PDCD1LG2: variants seen among roughly 807,000 people sequenced by gnomAD.
The protein encoded by PDCD1LG2 is B7 dendritic cell molecule.
A neutral mutation model predicts 28.2 loss-of-function variants in PDCD1LG2; 32 were observed. The observed-to-expected ratio is 1.13, with a 90% CI of 0.86 to 1.52. The LOEUF is 1.52. PDCD1LG2 is among the 40% of genes most tolerant of loss of function. The probability of loss-of-function intolerance (pLI) is 0.00; values close to 1 mark genes in which losing one functional copy is unlikely to be tolerated. For synonymous variants in PDCD1LG2, 116 were observed against 120.2 expected (o/e 0.97, Z 0.23); for missense variants, 385 against 323.8 (o/e 1.19, Z -1.45).
intron 1 of PDCD1LG2, among the ~76,000 whole-genome samples, chr9:5,517,582 A>C (rs6476986): frequency 1 from 152,274 of 152,322 alleles, 76,113 homozygotes; most frequent in Non-Finnish European, 1. Context: ...AGGTTTTAAG[A>C]AAATATGGTT....
In PDCD1LG2 at chr9:5,563,448, G is replaced by C. The variant is rs148548632; in HGVS notation, c.816+237G>C. 2.1e-3 allele frequency among the ~76,000 whole-genome samples: 317 copies of C among 152,226 alleles called. 2 individuals are homozygous for C. Among genetic ancestry groups the C allele is most frequent in the African/African-American group, 7.3e-3 (304 of 41,536 alleles). ...CTAGATGATACTGCACTGGACCTCTGGTCTCACATAGTTAGAAACAGAGTT... is the reference window on the plus strand; with the variant it reads ...CTAGATGATACTGCACTGGACCTCTCGTCTCACATAGTTAGAAACAGAGTT... On this transcript the variant is annotated intron_variant, in intron 6 of 6. Transcript: ENST00000397747.
At chr9:5,562,906 C>T (rs904985123) in intron 5 of PDCD1LG2, among the ~76,000 whole-genome samples, 6 of 152,166 alleles carry the variant, frequency 3.9e-5, no homozygotes, top group Non-Finnish European at 4.4e-5. Context: ...CCAAATTAGT[C>T]CCTCAGCCTT....
At chr9:5,557,480 C>A in intron 4 of PDCD1LG2, 138 bp from the exon 5 acceptor site, 1 of 973,918 alleles carries the variant, frequency 1.0e-6, no homozygotes, top group Non-Finnish European at 1.6e-6. Context: ...AGGTGCAGAG[C>A]ACTTAGAATA....
chr9:5,564,445 C>A (rs2129952760), intron 6 of PDCD1LG2, among the ~76,000 whole-genome samples: 1 of 152,238 alleles, frequency 6.6e-6, no homozygotes, highest in Admixed American at 6.5e-5. Flanking sequence ...AAAATCAAAC[C>A]AAAATTTTGG....
chr9:5,526,988 A>C (rs1165205178), intron 2 of PDCD1LG2, among the ~76,000 whole-genome samples: 1 of 152,122 alleles, frequency 6.6e-6, no homozygotes, highest in Non-Finnish European at 1.5e-5. Context: ...AAAGACTGTG[A>C]TGAAAGTTGC....
At chr9:5,531,363 G>A (rs1424135273) in intron 2 of PDCD1LG2, among the ~76,000 whole-genome samples, 1 of 152,178 alleles carries the variant, frequency 6.6e-6, no homozygotes, top group Non-Finnish European at 1.5e-5. Flanking sequence ...CAAGCTCAAA[G>A]TTTGCATGTC....
chr9:5,519,650 T>G (rs1303836958), intron 1 of PDCD1LG2, among the ~76,000 whole-genome samples: 3 of 152,206 alleles, frequency 2.0e-5, no homozygotes, highest in Non-Finnish European at 4.4e-5. Context: ...TTAACACTTC[T>G]GCATTGATGA....
intron 2 of PDCD1LG2, among the ~76,000 whole-genome samples, chr9:5,526,739 G>A (rs1459396030): frequency 1.3e-5 from 2 of 152,078 alleles, no homozygotes; most frequent in Non-Finnish European, 1.5e-5. Flanking sequence ...CTCTCAGCCT[G>A]CCCTTTATTT....
intron 2 of PDCD1LG2, 129 bp from the exon 3 acceptor site, chr9:5,534,616 A>T: frequency 1.3e-6 from 1 of 767,678 alleles, no homozygotes; most frequent in Non-Finnish European, 2.0e-6. Flanking sequence ...AGGATTCGCC[A>T]CGGGAATGTC....
At chr9:5,518,042 G>A (rs941744883) in intron 1 of PDCD1LG2, among the ~76,000 whole-genome samples, 10 of 152,190 alleles carry the variant, frequency 6.6e-5, no homozygotes, top group East Asian at 5.8e-4. Flanking sequence ...CAGGACTAGG[G>A]GATGGGCCAT....
chr9:5,559,449 T>C (rs767256669), intron 5 of PDCD1LG2, among the ~76,000 whole-genome samples: 24 of 152,214 alleles, frequency 1.6e-4, no homozygotes, highest in Admixed American at 3.3e-4. Context: ...CTGCTGGTGA[T>C]GCAGACAGAG....
At chr9:5,526,711 C>T (rs888220391) in intron 2 of PDCD1LG2, among the ~76,000 whole-genome samples, 1 of 152,172 alleles carries the variant, frequency 6.6e-6, no homozygotes, top group Non-Finnish European at 1.5e-5. Flanking sequence ...GCACTGAGAT[C>T]ACAGGTGTGA....
In PDCD1LG2 at chr9:5,549,440, C is replaced by T. The variant is rs1432801397; in HGVS notation, c.467C>T (p.Pro156Leu). 1 of 1,614,040 alleles carries T rather than the reference C, an allele frequency of 6.2e-7. No homozygotes were observed. Among genetic ancestry groups the T allele is most frequent in the Non-Finnish European group, 8.5e-7 (1 of 1,180,034 alleles). Residue 156 changes from proline (P) to leucine (L), a missense_variant, in exon 4 of 7, where the codon CCA becomes CTA. By Grantham distance (98) the Pro-to-Leu change is moderately conservative. Transcript: ENST00000397747. ...TGYPLAEVSWPNVSVPANTSH... is the reference protein window; with the variant it reads ...TGYPLAEVSWLNVSVPANTSH... ...TATCCTCTGGCAGAAGTATCCTGGC[C>T]AAACGTCAGCGTTCCTGCCAACACC...
chr9:5,542,869 A>T (rs1267303361), intron 3 of PDCD1LG2, among the ~76,000 whole-genome samples: 1 of 151,578 alleles, frequency 6.6e-6, no homozygotes, highest in Non-Finnish European at 1.5e-5. Flanking sequence ...CAAAAAAAAG[A>T]TACTTGCACA....
chr9:5,518,327 G>A (rs767543870), intron 1 of PDCD1LG2, among the ~76,000 whole-genome samples: 4 of 152,208 alleles, frequency 2.6e-5, no homozygotes, highest in Non-Finnish European at 4.4e-5. Context: ...TCTGTTCCTC[G>A]GTTTGCTCAA....
At chr9:5,552,320 G>C (rs1385548639) in intron 4 of PDCD1LG2, among the ~76,000 whole-genome samples, 1 of 152,140 alleles carries the variant, frequency 6.6e-6, no homozygotes, top group African/African-American at 2.4e-5. Flanking sequence ...AGCTCAAGGT[G>C]GCCAGGCCAG....
intron 2 of PDCD1LG2, among the ~76,000 whole-genome samples, chr9:5,523,196 G>A (rs1335859163): frequency 6.6e-6 from 1 of 152,220 alleles, no homozygotes; most frequent in Non-Finnish European, 1.5e-5. Flanking sequence ...ATTGGAGGAT[G>A]AGGGTGAGCA....
At chr9:5,527,837 C>CAT (rs2129755464) in intron 2 of PDCD1LG2, among the ~76,000 whole-genome samples, 3 of 150,754 alleles carry the variant, frequency 2.0e-5, no homozygotes, top group South Asian at 2.1e-4. Context: ...TCTATTTTTT[C>CAT]TTTTTTTTTG....
intron 4 of PDCD1LG2, among the ~76,000 whole-genome samples, chr9:5,555,311 A>G (rs992355757): frequency 2.6e-5 from 4 of 152,152 alleles, no homozygotes; most frequent in Admixed American, 6.5e-5. Context: ...CAGCTACTCA[A>G]GAGGCCGAGG....
Sources: allele counts gnomAD v4.1 joint callset (sites outside exome capture counted in the v4.1 genomes callset), GRCh38; gene constraint gnomAD v4.1.1; transcripts MANE v1.5; gene names NCBI Gene and HGNC (gene_info 2026-07-23, HGNC 2026-07-21).